The following HIRA variants were observed in gnomAD, a reference collection of about 807,000 sequenced individuals.
HIRA encodes the protein histone cell cycle regulator.
In HIRA, 13 loss-of-function variants were observed where a neutral mutation model predicts 126.6. The observed-to-expected ratio is 0.10, with a 90% confidence interval of 0.07 to 0.16. The LOEUF (loss-of-function observed/expected upper bound fraction) is 0.16, where lower values mean the gene tolerates loss of function less well. Ranked by LOEUF, HIRA falls within the 10% of genes least tolerant of loss-of-function variation. HIRA has a pLI of 1.00. For synonymous variants in HIRA, 511 were observed against 520.0 expected, an observed-to-expected ratio of 0.98 and a Z score of 0.24; for missense variants, 834 against 1,314.4, an observed-to-expected ratio of 0.63 and a Z score of 5.65.
chr22:19,423,154 C>T (rs371710468), intron 1 of HIRA, among the ~76,000 whole-genome samples: 2 of 152,288 alleles, frequency 1.3e-5, no homozygotes, highest in Admixed American at 6.5e-5. Context: ...AAGGCCTTTG[C>T]TCAAATGTTA....
intron 11 of HIRA, among the ~76,000 whole-genome samples, chr22:19,387,127 G>T (rs1294315852): frequency 6.6e-6 from 1 of 152,182 alleles, no homozygotes; most frequent in Non-Finnish European, 1.5e-5. Flanking sequence ...CACCCCAGCA[G>T]AGCACAGAGG....
At chr22:19,365,908 C>G (rs2088907864) in intron 15 of HIRA, 1 of 152,226 alleles carries the variant, frequency 6.6e-6, no homozygotes, top group African/African-American at 2.4e-5. Flanking sequence ...AGAGACCACA[C>G]CAGGTTGCCT....
intron 5 of HIRA, among the ~76,000 whole-genome samples, chr22:19,399,897 G>C (rs773144627): frequency 7.9e-5 from 12 of 152,068 alleles, no homozygotes; most frequent in Non-Finnish European, 1.6e-4. Context: ...TCGGGCAGTG[G>C]GTCTAACAAC....
intron 1 of HIRA, among the ~76,000 whole-genome samples, chr22:19,427,039 G>C (rs1237161514): frequency 6.6e-6 from 1 of 152,184 alleles, no homozygotes; most frequent in Non-Finnish European, 1.5e-5. Flanking sequence ...AGTCTAGTCG[G>C]AACTGTAAGA....
At chr22:19,338,035 AC>A (rs1237074123) in intron 24 of HIRA, among the ~76,000 whole-genome samples, 1 of 151,954 alleles carries the variant, frequency 6.6e-6, no homozygotes, top group African/African-American at 2.4e-5. Flanking sequence ...TAAATGATCC[AC>A]CCACCTTGGC....
chr22:19,421,233 A>T (rs943111468), intron 1 of HIRA, among the ~76,000 whole-genome samples: 2 of 151,376 alleles, frequency 1.3e-5, no homozygotes, highest in Admixed American at 6.6e-5. Flanking sequence ...CTGGAGGCAG[A>T]GATTGCAGTG....
At position 19,359,391 on chromosome 22, in the gene HIRA, CT is replaced by C; in HGVS notation, c.2178del (p.Lys728ArgfsTer81). ...GTGAGTACCGTCTCCCACTCCTTCC[CT>C]TCCCGGTTGCACTTCAGGCGGCTCA... ...VKLSRLKCNR[E>X]GKEWETVLTS... On this transcript the variant is annotated frameshift_variant, in exon 18 of 25. Transcript: ENST00000263208. LOFTEE classifies it high-confidence loss of function. 6.2e-7 allele frequency: 1 copy of C among 1,610,864 alleles called. No homozygotes were observed. Among genetic ancestry groups the C allele is most frequent in the Non-Finnish European group, 8.5e-7 (1 of 1,178,762 alleles).
In HIRA at chr22:19,425,677, T is replaced by C. The variant is rs1019586776; in HGVS notation, c.37+5763A>G. Among the ~76,000 whole-genome samples, 22 of 152,300 alleles carry C rather than the reference T, an allele frequency of 1.4e-4. No homozygotes were observed. The East Asian group carries it at 4.1e-3, about 28-fold the overall frequency. Reference sequence around the variant, plus strand: ...CTTCATCCATATTCTTTCTGCAGCATATTAAAGAAATAAATTCAGAGAGAG... The same window carrying C: ...CTTCATCCATATTCTTTCTGCAGCACATTAAAGAAATAAATTCAGAGAGAG... On this transcript the variant is annotated intron_variant, in intron 1 of 24. Coordinates refer to ENST00000263208, the MANE Select transcript of HIRA (RefSeq NM_003325.4).
At chr22:19,368,691 A>G (rs2088936922) in intron 15 of HIRA, among the ~76,000 whole-genome samples, 1 of 152,224 alleles carries the variant, frequency 6.6e-6, no homozygotes, top group Admixed American at 6.5e-5. Context: ...ATTGTGAAAC[A>G]TGGAAAAAAA....
At position 19,431,546 on chromosome 22, in the gene HIRA, ACCG is replaced by A; in HGVS notation, c.-73_-71del. ...CTCAGCGCGCCCGGGCCATGGAGCC[ACCG>A]CCGCCGCTTCCTCCCGCGCCACCCG... On this transcript the variant is annotated 5_prime_UTR_variant, in exon 1 of 25. Coordinates refer to ENST00000263208, the MANE Select transcript of HIRA (RefSeq NM_003325.4). The A allele has an allele frequency of 1.6e-6, 2 of 1,217,558 alleles. No homozygotes were observed. Among genetic ancestry groups the A allele is most frequent in the Non-Finnish European group, 2.1e-6 (2 of 964,842 alleles). 75.4% of individuals were successfully genotyped at this position (1,217,558 alleles called of 1,614,324 possible). A position where few individuals can be genotyped will look rare whatever the true frequency, so the allele number is the denominator to read the frequency against.
rs12627918 is a variant in HIRA at position 19,411,752 on chromosome 22, C to T, written c.38-974G>A. Among the ~76,000 whole-genome samples, 511 of 152,296 alleles carry T rather than the reference C, an allele frequency of 3.4e-3. 19 individuals are homozygous for T. In the East Asian group the frequency reaches 0.068, roughly 20 times the overall value. On this transcript the variant is annotated intron_variant, in intron 1 of 24. Transcript: ENST00000263208. Reference sequence around the variant, plus strand: ...AATTGAACATGTTCTGTCTCTGTCACCCAAGAGGAGGCAATGTGGACACAG... The same window carrying T: ...AATTGAACATGTTCTGTCTCTGTCATCCAAGAGGAGGCAATGTGGACACAG...
At chr22:19,334,257 G>A (rs1556005372) in intron 24 of HIRA, among the ~76,000 whole-genome samples, 1 of 151,394 alleles carries the variant, frequency 6.6e-6, no homozygotes, top group Admixed American at 6.6e-5. Context: ...TTACAGGCAT[G>A]AGCCACTGCA....
Sources: allele counts gnomAD v4.1 joint callset (sites outside exome capture counted in the v4.1 genomes callset), GRCh38; gene constraint gnomAD v4.1.1; transcripts MANE v1.5; gene names NCBI Gene and HGNC (gene_info 2026-07-23, HGNC 2026-07-21).